The following PCDHGB3 variants were observed in gnomAD, a reference collection of about 807,000 sequenced individuals.
PCDHGB3 encodes protocadherin gamma subfamily B, 3.
PCDHGB3 carries 40 observed loss-of-function variants against 59.2 expected under a neutral mutation model. The ratio of observed to expected loss-of-function variants is 0.68; its 90% confidence interval spans 0.52 to 0.88. The LOEUF is 0.88. Ranked by LOEUF, PCDHGB3 falls within the 40% of genes least tolerant of loss-of-function variation. PCDHGB3 has a pLI of 0.00. For missense variants in PCDHGB3, 1,309 were observed against 1,187.9 expected, an observed-to-expected ratio of 1.10 and a Z score of -1.50; for synonymous variants, 581 against 503.6, an observed-to-expected ratio of 1.15 and a Z score of -2.06.
At chr5:141,373,898 A>AT (rs1769937255) in intron 1 of PCDHGB3, 1 of 541,162 alleles carries the variant, frequency 1.8e-6, no homozygotes, top group Non-Finnish European at 3.1e-6. Flanking sequence ...CTCAAGTTAC[A>AT]TCCTCCAACA....
intron 1 of PCDHGB3, among the ~76,000 whole-genome samples, chr5:141,459,249 A>G (rs901058693): frequency 6.6e-6 from 1 of 152,218 alleles, no homozygotes; most frequent in Non-Finnish European, 1.5e-5. Flanking sequence ...TCCTGTCACT[A>G]TAAATTAGTG....
At chr5:141,439,472 A>G (rs1185561573) in intron 1 of PCDHGB3, among the ~76,000 whole-genome samples, 3 of 152,228 alleles carry the variant, frequency 2.0e-5, no homozygotes, top group Non-Finnish European at 4.4e-5. Flanking sequence ...GCTGCCTTTC[A>G]GCTTGCAAAT....
chr5:141,476,747 C>A lies in PCDHGB3; in HGVS notation c.2416-18060C>A. 1 of 1,614,066 alleles carries A rather than the reference C, an allele frequency of 6.2e-7. No homozygotes were observed. The highest frequency in any genetic ancestry group is 1.3e-5 in the African/African-American group (1 of 75,074). On this transcript the variant is annotated intron_variant, in intron 1 of 3. Transcript: ENST00000576222. The surrounding 1 kb of genome is among the most constrained non-coding windows in gnomAD (Gnocchi z 7.6). ...GGACCGAGAACGGGAGCCTAGTCTCCAGTTAGTGCTGACGGCGTTGGACGG... is the reference window on the plus strand; with the variant it reads ...GGACCGAGAACGGGAGCCTAGTCTCAAGTTAGTGCTGACGGCGTTGGACGG...
chr5:141,482,144 G>A (rs564178008), intron 1 of PCDHGB3, among the ~76,000 whole-genome samples: 2 of 151,756 alleles, frequency 1.3e-5, no homozygotes, highest in African/African-American at 2.4e-5. Flanking sequence ...GGCATAAAAA[G>A]GTCAAGTCAA....
intron 1 of PCDHGB3, among the ~76,000 whole-genome samples, chr5:141,472,273 G>A (rs2099275685): frequency 6.6e-6 from 1 of 152,170 alleles, no homozygotes; most frequent in South Asian, 2.1e-4. Context: ...CGGGCACAGT[G>A]GCTCACACCT....
At chr5:141,418,933 G>A in intron 1 of PCDHGB3, 2 of 1,614,010 alleles carry the variant, frequency 1.2e-6, no homozygotes, top group Non-Finnish European at 1.7e-6. Flanking sequence ...AGATTATGGA[G>A]GATTCCCCTC....
intron 1 of PCDHGB3, among the ~76,000 whole-genome samples, chr5:141,373,691 T>G (rs1588722666): frequency 6.6e-6 from 1 of 152,234 alleles, no homozygotes; most frequent in Admixed American, 6.5e-5. Flanking sequence ...TCAGAGAACA[T>G]TTAAAATTAT....
In PCDHGB3 at chr5:141,370,509, G is replaced by T. The variant is rs1353191551; in HGVS notation, c.115G>T (p.Glu39Ter). Residue 39 changes from glutamate (E) to a stop codon, truncating the protein, a stop_gained, in exon 1 of 4, where the codon GAG (glutamate) becomes TAG (stop). Transcript: ENST00000576222. LOFTEE classifies it high-confidence loss of function. Reference sequence around the variant, plus strand: ...CGAACCGATCCGCTACGCTATTCCCGAGGAGCTGGACAGGGGCTCGCTGGT... The same window carrying T: ...CGAACCGATCCGCTACGCTATTCCCTAGGAGCTGGACAGGGGCTCGCTGGT... ...LSEPIRYAIP[E>*]ELDRGSLVGN... is the part of the protein sequence containing the mutation. 2 of 1,613,920 alleles carry T rather than the reference G, an allele frequency of 1.2e-6. No homozygotes were observed. The highest frequency in any genetic ancestry group is 1.1e-5 in the South Asian group (1 of 91,082).
rs145569377 is a variant in PCDHGB3 at position 141,455,860 on chromosome 5, ATTATTTATTTATTTATTTATTTATTTAT to A, written c.2416-38920_2416-38893del. Among the ~76,000 whole-genome samples the A allele has an allele frequency of 5.0e-5, 7 of 139,848 alleles. No individual in the cohort carries two copies. The South Asian group carries it at 9.2e-4, about 18-fold the overall frequency. 91.7% of individuals were successfully genotyped at this position (139,848 alleles called of 152,430 possible). On this transcript the variant is annotated intron_variant, in intron 1 of 3. Transcript: ENST00000576222. ...CTATCTGCATAAAATAATTTCTTTT[ATTATTTATTTATTTATTTATTTATTTAT>A]TTATTTATTTATTTATTTATTTATT...
At chr5:141,451,107 C>T (rs768308463) in intron 1 of PCDHGB3, among the ~76,000 whole-genome samples, 3 of 152,118 alleles carry the variant, frequency 2.0e-5, no homozygotes, top group Non-Finnish European at 4.4e-5. Flanking sequence ...GGATTACAGG[C>T]GTGAGCCACC....
intron 1 of PCDHGB3, chr5:141,399,115 G>C: frequency 6.2e-7 from 1 of 1,613,814 alleles, no homozygotes; most frequent in Non-Finnish European, 8.5e-7. Context: ...ATGTACAGTT[G>C]AAATTAATAT....
intron 1 of PCDHGB3, chr5:141,426,568 C>T: frequency 5.6e-6 from 2 of 354,402 alleles, no homozygotes; most frequent in Non-Finnish European, 5.6e-6. Flanking sequence ...TCGAGAGTCA[C>T]TGTCTTCAAA....
rs755497433 is a variant in PCDHGB3 at position 141,371,347 on chromosome 5, G to A, written c.953G>A (p.Gly318Glu). The A allele has an allele frequency of 6.2e-7, 1 of 1,613,960 alleles. No homozygotes were observed. Among genetic ancestry groups the A allele is most frequent in the Non-Finnish European group, 8.5e-7 (1 of 1,179,902 alleles). Residue 318 changes from glycine to glutamate, a missense_variant, in exon 1 of 4, where the codon GGG becomes GAG. Gly to Glu is a moderately conservative substitution (Grantham distance 98). Coordinates refer to ENST00000576222, the MANE Select transcript of PCDHGB3 (RefSeq NM_018924.5). ...DFEERDSYTI[G>E]VEAKDGGHHT... ...GAAGAGAGAGATAGCTACACAATTGGGGTGGAAGCAAAGGATGGTGGACAT... is the reference window on the plus strand; with the variant it reads ...GAAGAGAGAGATAGCTACACAATTGAGGTGGAAGCAAAGGATGGTGGACAT...
intron 1 of PCDHGB3, chr5:141,410,555 C>G: frequency 1.2e-6 from 2 of 1,613,202 alleles, no homozygotes; most frequent in Non-Finnish European, 1.7e-6. Flanking sequence ...CAGTGTTTCT[C>G]CTGGAGCCTT....
chr5:141,474,710 A>T (rs535069070), intron 1 of PCDHGB3, among the ~76,000 whole-genome samples: 31 of 152,330 alleles, frequency 2.0e-4, no homozygotes, highest in African/African-American at 6.3e-4. Context: ...GTTCTATTAT[A>T]CTTCAAAAGG....
intron 1 of PCDHGB3, chr5:141,388,773 G>A (rs769358867): frequency 1.9e-6 from 3 of 1,613,808 alleles, no homozygotes; most frequent in East Asian, 2.2e-5. Flanking sequence ...CTCTAACACC[G>A]GGGAAATTAC....
chr5:141,434,667 G>T (rs1464226862), intron 1 of PCDHGB3, among the ~76,000 whole-genome samples: 3 of 152,074 alleles, frequency 2.0e-5, no homozygotes, highest in East Asian at 3.9e-4. Context: ...CTATAGAAAT[G>T]ATGCTAATGA....
In PCDHGB3 at chr5:141,371,611, C is replaced by G. The variant is rs561217101; in HGVS notation, c.1217C>G (p.Thr406Arg). ...ACCAAAAACACATACAGGTTGGTGA[C>G]AGATGGAGCCCTGGACCGGGAGCAG... ...QDTKNTYRLVTDGALDREQIP... is the reference protein window; with the variant it reads ...QDTKNTYRLVRDGALDREQIP... The change falls in exon 1 of 4, where the codon ACA (threonine) becomes AGA (arginine). Residue 406 changes from threonine to arginine, a missense_variant. Thr to Arg is a moderately conservative substitution (Grantham distance 71). Coordinates refer to ENST00000576222, the MANE Select transcript of PCDHGB3 (RefSeq NM_018924.5). 1 of 1,613,996 alleles carries G rather than the reference C, an allele frequency of 6.2e-7. No homozygotes were observed. Among genetic ancestry groups the G allele is most frequent in the Non-Finnish European group, 8.5e-7 (1 of 1,179,890 alleles).
Position 141,433,359 on chromosome 5 carries a change from CTAT to C in PCDHGB3, c.2415+60551_2415+60553del, listed in dbSNP as rs2097588942. 4 of 228,708 alleles carry C rather than the reference CTAT, an allele frequency of 1.7e-5. No homozygotes were observed. In the African/African-American group the frequency reaches 3.4e-4, roughly 19 times the overall value. The allele number at this position is 228,708 out of a possible 1,614,324, so 14.2% of individuals were successfully genotyped here. ...CAGGTGCAAGCCACCTACTGTCTGC[CTAT>C]CTATCTATCTATCTATCTATCTATC... On this transcript the variant is annotated intron_variant, in intron 1 of 3. Coordinates refer to ENST00000576222, the MANE Select transcript of PCDHGB3 (RefSeq NM_018924.5).
Sources: gnomAD v4.1 joint callset for allele counts (sites outside exome capture counted in the v4.1 genomes callset) on GRCh38, gnomAD v4.1.1 for gene constraint, Gnocchi (gnomAD v3.1) non-coding constraint, MANE v1.5 for transcripts, NCBI Gene and HGNC (gene_info 2026-07-23, HGNC 2026-07-21) for gene names.